Variants in GFI1 observed in about 807,000 individuals in gnomAD.
GFI1 encodes the protein zinc finger protein Gfi-1.
In GFI1, 15 loss-of-function variants were observed where a neutral mutation model predicts 39.2. That is an observed-to-expected ratio of 0.38 (90% CI 0.26 to 0.59). GFI1 has a LOEUF of 0.59. GFI1 is among the 20% of genes least tolerant of loss of function. The pLI, the probability that GFI1 is intolerant of heterozygous loss-of-function variation, is 0.62. For synonymous variants in GFI1, 239 were observed against 254.3 expected, an observed-to-expected ratio of 0.94 and a Z score of 0.57; for missense variants, 475 against 574.0, an observed-to-expected ratio of 0.83 and a Z score of 1.76.
Position 92,484,039 on chromosome 1 carries a change from T to G in GFI1, c.-99-453A>C. The stretch of plus-strand genomic sequence containing the variant: ...CGGTTTAGGGGCCGGGGATGCCCAG[T>G]GGTCGAGGACCCGGAAGGGGCAAGG... On this transcript the variant is annotated intron_variant, in intron 1 of 6. Coordinates refer to ENST00000294702, the MANE Select transcript of GFI1 (RefSeq NM_005263.5). This position sits in a 1 kb window ranked among gnomAD's most constrained non-coding sequence, Gnocchi z 4.1. 5.1e-6 allele frequency: 1 copy of G among 195,216 alleles called. No homozygotes were observed. The highest frequency in any genetic ancestry group is 1.1e-5 in the Non-Finnish European group (1 of 93,242). The allele number at this position is 195,216 out of a possible 1,614,324, so 12.1% of individuals were successfully genotyped here.
chr1:92,476,081 T>G lies in GFI1; in HGVS notation c.1217A>C (p.Gln406Pro). 6.2e-7 allele frequency: 1 copy of G among 1,614,124 alleles called. No individual in the cohort carries two copies. Among genetic ancestry groups the G allele is most frequent in the Non-Finnish European group, 8.5e-7 (1 of 1,180,002 alleles). The part of the protein sequence containing the change: ...FGCDLCGKGF[Q>P]RKVDLRRHRE... Reference sequence around the variant, plus strand: ...GTGCCTTCGGAGGTCCACCTTCCTCTGGAAACCCTTCCCACAGAGGTCGCA... The same window carrying G: ...GTGCCTTCGGAGGTCCACCTTCCTCGGGAAACCCTTCCCACAGAGGTCGCA... Residue 406 changes from glutamine to proline, a missense_variant, in exon 7 of 7, where the codon CAG (glutamine) becomes CCG (proline). Gln to Pro is a moderately conservative substitution (Grantham distance 76). Around this residue, in one of 4 missense-constraint regions of GFI1, gnomAD observed 112 missense variants for 202.8 expected, o/e 0.55. Transcript: ENST00000294702.
At chr1:92,483,334 C>G in intron 2 of GFI1, 39 bp downstream of exon 2, 1 of 1,167,684 alleles carries the variant, frequency 8.6e-7, no homozygotes. Flanking sequence ...AGTAGGCATC[C>G]GGGGGAGCAG....
At chr1:92,476,229 G>T in intron 6 of GFI1, 22 bp from the exon 7 acceptor site, 1 of 1,602,326 alleles carries the variant, frequency 6.2e-7, no homozygotes. Flanking sequence ...GGAGGGGGAG[G>T]GGAGAAAGTA....
chr1:92,483,405 C>T lies in GFI1; in HGVS notation c.83G>A (p.Arg28His), dbSNP rs372866021. The stretch of plus-strand genomic sequence containing the variant: ...GCTAGGCGCCGGTACATTCTCTAAA[C>T]GGAGGGAATAGTCTGGTCCTGGGGA... The part of the protein sequence containing the change: ...PRSPGPDYSL[R>H]LENVPAPSRA... Residue 28 changes from arginine (R) to histidine (H), a missense_variant, in exon 2 of 7, where the codon CGT (arginine) becomes CAT (histidine). Physicochemically the swap from Arg to His is conservative, Grantham distance 29. Transcript: ENST00000294702. 51 of 1,612,552 alleles carry T rather than the reference C, an allele frequency of 3.2e-5. No individual in the cohort carries two copies. The African/African-American group carries it at 6.1e-4, about 19-fold the overall frequency.
Position 92,481,952 on chromosome 1 carries a change from T to TGC in GFI1, c.299-866_299-865dup, listed in dbSNP as rs1553163125. On this transcript the variant is annotated intron_variant, in intron 3 of 6. Coordinates refer to ENST00000294702, the MANE Select transcript of GFI1 (RefSeq NM_005263.5). The surrounding 1 kb of genome is among the most constrained non-coding windows in gnomAD (Gnocchi z 4.3). The stretch of plus-strand genomic sequence containing the variant: ...ATTTACAAATGTGTGTGTGTGTGTG[T>TGC]GCGCACAACACTCCAGTTCAGGCTG... Among the ~76,000 whole-genome samples, 7 of 148,802 alleles carry TGC rather than the reference T, an allele frequency of 4.7e-5. No individual in the cohort carries two copies. Among genetic ancestry groups the TGC allele is most frequent in the African/African-American group, 1.7e-4 (7 of 40,072 alleles).
intron 6 of GFI1, among the ~76,000 whole-genome samples, chr1:92,476,632 T>C (rs1249283529): frequency 6.6e-6 from 1 of 152,218 alleles, no homozygotes; most frequent in African/African-American, 2.4e-5. Context: ...CAGAGGAAGT[T>C]TTCAAATCTG....
Position 92,483,440 on chromosome 1 carries a change from G to A in GFI1, c.48C>T (p.His16=). The A allele has an allele frequency of 6.2e-7, 1 of 1,613,412 alleles. No homozygotes were observed. The highest frequency in any genetic ancestry group is 1.1e-5 in the South Asian group (1 of 91,042). ...LVKSKKAHSY[H]QPRSPGPDYS... is the part of the protein sequence containing the mutation. ...AGTCTGGTCCTGGGGAGCGCGGCTG[G>A]TGGTAGCTGTGAGCCTTCTTGCTTT... The change falls in exon 2 of 7, where the codon CAC becomes CAT. Residue 16 remains histidine (H), a synonymous_variant. Transcript: ENST00000294702.
At position 92,482,486 on chromosome 1, in the gene GFI1, T is replaced by TCTC. The variant is rs1658305619; in HGVS notation, c.298+377_298+378insGAG. Among the ~76,000 whole-genome samples, 1 of 152,108 alleles carries TCTC rather than the reference T, an allele frequency of 6.6e-6. No homozygotes were observed. Among genetic ancestry groups the TCTC allele is most frequent in the Non-Finnish European group, 1.5e-5 (1 of 68,012 alleles). On this transcript the variant is annotated intron_variant, in intron 3 of 6. Transcript: ENST00000294702. The surrounding 1 kb of genome is among the most constrained non-coding windows in gnomAD (Gnocchi z 4.4). ...TGGCCCGTTCTGCCCTGTTCTCTGTTTGAGGTTTGGGGGTCTAGATTGCAG... is the reference window on the plus strand; with the variant it reads ...TGGCCCGTTCTGCCCTGTTCTCTGTTCTCTGAGGTTTGGGGGTCTAGATTGCAG...
intron 1 of GFI1, among the ~76,000 whole-genome samples, chr1:92,486,453 G>T (rs1348273431): frequency 6.6e-6 from 1 of 152,152 alleles, no homozygotes. Flanking sequence ...GACACAGATT[G>T]ACTGGCGAGA....
chr1:92,483,071 G>A (rs1230684852), intron 2 of GFI1, 25 bp from the exon 3 acceptor site: 1 of 1,558,200 alleles, frequency 6.4e-7, no homozygotes, highest in Non-Finnish European at 8.7e-7. Context: ...CAGGTGAGGG[G>A]CTCAGGCTGG....
At chr1:92,485,549 C>T (rs958463974) in intron 1 of GFI1, among the ~76,000 whole-genome samples, 23 of 152,068 alleles carry the variant, frequency 1.5e-4, no homozygotes, top group African/African-American at 5.3e-4. Flanking sequence ...CTGTGGGGAG[C>T]GACAGAGTTT....
At position 92,474,433 on chromosome 1, in the gene GFI1, G is replaced by T. The variant is rs140339430; in HGVS notation, c.*1596C>A. On this transcript the variant is annotated 3_prime_UTR_variant, in exon 7 of 7. Transcript: ENST00000294702. ...TTCTTTATTCATCTGGGAGCCTTCAGGCCCCTAAAAAAATATGTTGACATT... is the reference window on the plus strand; with the variant it reads ...TTCTTTATTCATCTGGGAGCCTTCATGCCCCTAAAAAAATATGTTGACATT... Among the ~76,000 whole-genome samples the T allele has an allele frequency of 1.9e-3, 290 of 152,238 alleles. 1 individual carries two copies. The highest frequency in any genetic ancestry group is 6.3e-3 in the African/African-American group (260 of 41,514).
chr1:92,481,012 G>T lies in GFI1; in HGVS notation c.375C>A (p.Ser125Arg), dbSNP rs754401447. ...FPLPFKPYSW[S>R]GLAGSDLRHL... ...GCCGCAGGTCAGAACCCGCCAGGCC[G>T]CTCCATGAGTACGGTTTGAAAGGCA... is the stretch of plus-strand genomic sequence containing the variant. The change falls in exon 4 of 7, where the codon AGC (serine) becomes AGA (arginine). Residue 125 changes from serine (S) to arginine (R), a missense_variant. Physicochemically the swap from Ser to Arg is moderately radical, Grantham distance 110. This residue lies in a region of GFI1 where 275 missense variants were observed against 275.8 expected (regional missense o/e 1.00). Coordinates refer to ENST00000294702, the MANE Select transcript of GFI1 (RefSeq NM_005263.5). The surrounding 1 kb of genome is among the most constrained non-coding windows in gnomAD (Gnocchi z 4.3). The T allele has an allele frequency of 1.2e-6, 2 of 1,611,290 alleles. No individual in the cohort carries two copies. The highest frequency in any genetic ancestry group is 1.7e-6 in the Non-Finnish European group (2 of 1,179,064).
Position 92,473,817 on chromosome 1 carries a change from A to T in GFI1, c.*2212T>A, listed in dbSNP as rs573670214. Among the ~76,000 whole-genome samples the T allele has an allele frequency of 2.0e-5, 3 of 152,354 alleles. No individual in the cohort carries two copies. Among genetic ancestry groups the T allele is most frequent in the African/African-American group, 4.8e-5 (2 of 41,576 alleles). On this transcript the variant is annotated 3_prime_UTR_variant, in exon 7 of 7. Transcript: ENST00000294702. ...TCACTTAACATCTCAGTAAATATTT[A>T]TTAATCTCCTACTGTGTGCCAGGCA... is the stretch of plus-strand genomic sequence containing the variant.
In GFI1 at chr1:92,475,739, C is replaced by A; in HGVS notation, c.*290G>T. 1 of 460,120 alleles carries A rather than the reference C, an allele frequency of 2.2e-6. No homozygotes were observed. Among genetic ancestry groups the A allele is most frequent in the Non-Finnish European group, 4.0e-6 (1 of 248,302 alleles). The allele number at this position is 460,120 out of a possible 1,614,324, so 28.5% of individuals were successfully genotyped here. On this transcript the variant is annotated 3_prime_UTR_variant, in exon 7 of 7. Coordinates refer to ENST00000294702, the MANE Select transcript of GFI1 (RefSeq NM_005263.5). ...TGTGGGGTCTAAGATTTATTCTGGT[C>A]CCCATTTGACTTTGCCTTTGTCTTC...
chr1:92,483,327 A>T, intron 2 of GFI1, 46 bp downstream of exon 2: 1 of 1,044,324 alleles, frequency 9.6e-7, no homozygotes, highest in Non-Finnish European at 1.5e-6. Context: ...GAGGTGCAGT[A>T]GGCATCCGGG....
chr1:92,483,707 G>A (rs898100389), intron 1 of GFI1, 121 bp from the exon 2 acceptor site: 2 of 587,440 alleles, frequency 3.4e-6, no homozygotes, highest in Non-Finnish European at 6.2e-6. Flanking sequence ...ACGGGAGGAG[G>A]GGCTTGACCC....
chr1:92,476,741 G>T (rs1657998957), intron 6 of GFI1, among the ~76,000 whole-genome samples: 1 of 151,978 alleles, frequency 6.6e-6, no homozygotes, highest in Non-Finnish European at 1.5e-5. Flanking sequence ...ATCTTAACAT[G>T]GACTTTCTTT....
At chr1:92,483,334 C>A (rs753626698) in intron 2 of GFI1, 39 bp downstream of exon 2, 21 of 1,167,566 alleles carry the variant, frequency 1.8e-5, no homozygotes, top group Middle Eastern at 2.3e-4. Context: ...AGTAGGCATC[C>A]GGGGGAGCAG....
Sources: gnomAD v4.1 joint callset for allele counts (sites outside exome capture counted in the v4.1 genomes callset) on GRCh38, gnomAD v4.1.1 for gene constraint, gnomAD v4.1.1 regional missense constraint, Gnocchi (gnomAD v3.1) non-coding constraint, MANE v1.5 for transcripts, NCBI Gene and HGNC (gene_info 2026-07-23, HGNC 2026-07-21) for gene names.